SLC24A4: variants seen among roughly 807,000 people sequenced by gnomAD.
SLC24A4 encodes sodium/potassium/calcium exchanger 4.
A neutral mutation model predicts 79.0 loss-of-function variants in SLC24A4; 53 were observed. The ratio of observed to expected loss-of-function variants is 0.67; its 90% CI spans 0.54 to 0.84. SLC24A4 has a LOEUF of 0.84. SLC24A4 is among the 40% of genes least tolerant of loss of function. SLC24A4 has a pLI of 0.00. For missense variants in SLC24A4, 731 were observed against 822.0 expected (o/e 0.89, Z 1.35); for synonymous variants, 323 against 323.8 (o/e 1.00, Z 0.03).
chr14:92,366,270 C>T (rs991260088), intron 2 of SLC24A4, among the ~76,000 whole-genome samples: 6 of 152,160 alleles, frequency 3.9e-5, no homozygotes, highest in Non-Finnish European at 8.8e-5. Flanking sequence ...TTTCAGGGGG[C>T]GTGGTCCTGC....
Position 92,449,033 on chromosome 14 carries a change from C to T in SLC24A4, c.738-41C>T, listed in dbSNP as rs202008330. ...CACCCGCTGCCCAGTTGGTGGGACTCCTTTCCATTGCCCTGACCTCCTGCC... is the reference window on the plus strand; with the variant it reads ...CACCCGCTGCCCAGTTGGTGGGACTTCTTTCCATTGCCCTGACCTCCTGCC... On this transcript the variant is annotated intron_variant, in intron 9 of 16. Transcript: ENST00000532405. 15 of 1,610,354 alleles carry T rather than the reference C, an allele frequency of 9.3e-6. No homozygotes were observed. The African/African-American group carries it at 1.7e-4, about 19-fold the overall frequency.
chr14:92,391,982 G>A (rs1277441321), intron 2 of SLC24A4, among the ~76,000 whole-genome samples: 4 of 152,052 alleles, frequency 2.6e-5, no homozygotes, highest in South Asian at 2.1e-4. Context: ...CCAGCTCTAC[G>A]TTCTCCCTCC....
intron 2 of SLC24A4, among the ~76,000 whole-genome samples, chr14:92,406,800 G>T: frequency 1.8e-5 from 1 of 56,888 alleles, no homozygotes; most frequent in South Asian, 4.3e-4. Context: ...GGCTTGTGAT[G>T]GGGGGGTCTC....
chr14:92,359,842 A>G (rs1887398733), intron 2 of SLC24A4, among the ~76,000 whole-genome samples: 1 of 152,228 alleles, frequency 6.6e-6, no homozygotes, highest in African/African-American at 2.4e-5. Flanking sequence ...TAAACTAGGT[A>G]TAACCATTTT....
intron 10 of SLC24A4, 124 bp from the exon 11 acceptor site, chr14:92,453,776 G>A (rs1239851462): frequency 1.9e-6 from 2 of 1,076,598 alleles, no homozygotes; most frequent in Non-Finnish European, 2.6e-6. Context: ...AGACTTCCCG[G>A]TGGCTGCCAG....
At chr14:92,477,584 C>G (rs1177298234) in intron 12 of SLC24A4, among the ~76,000 whole-genome samples, 1 of 151,978 alleles carries the variant, frequency 6.6e-6, no homozygotes, top group Non-Finnish European at 1.5e-5. Context: ...CTCAACCTCC[C>G]AAGTAGTTGA....
chr14:92,418,633 A>G (rs1313276934), intron 2 of SLC24A4, among the ~76,000 whole-genome samples: 1 of 152,156 alleles, frequency 6.6e-6, no homozygotes, highest in Non-Finnish European at 1.5e-5. Flanking sequence ...TCTTGAGGAC[A>G]AATTTCTTCT....
chr14:92,470,627 T>C (rs11623019), intron 12 of SLC24A4, among the ~76,000 whole-genome samples: 105,550 of 151,786 alleles, frequency 0.7, 38,017 homozygotes, highest in Non-Finnish European at 0.8. Flanking sequence ...CTCTTGTTGA[T>C]GTTTGCGTGT....
intron 2 of SLC24A4, among the ~76,000 whole-genome samples, chr14:92,350,251 A>G (rs1451611759): frequency 6.6e-6 from 1 of 152,178 alleles, no homozygotes; most frequent in East Asian, 1.9e-4. Context: ...CCCCTCAGCA[A>G]CCTTGCCACC....
intron 10 of SLC24A4, 86 bp downstream of exon 10, chr14:92,449,302 A>G: frequency 7.7e-7 from 1 of 1,298,036 alleles, no homozygotes; most frequent in South Asian, 1.4e-5. Flanking sequence ...ACACACACAC[A>G]CACACACACA....
chr14:92,427,717 A>G (rs1455949199), intron 2 of SLC24A4, among the ~76,000 whole-genome samples: 2 of 152,246 alleles, frequency 1.3e-5, no homozygotes, highest in African/African-American at 2.4e-5. Context: ...AAGGAATTTA[A>G]TTCAGGGAAT....
chr14:92,361,155 C>T (rs1289320496), intron 2 of SLC24A4, among the ~76,000 whole-genome samples: 2 of 151,568 alleles, frequency 1.3e-5, no homozygotes, highest in African/African-American at 4.9e-5. Flanking sequence ...GGCTTTCCTG[C>T]AGTTGGCATC....
At chr14:92,493,262 C>T (rs72631618) in intron 16 of SLC24A4, among the ~76,000 whole-genome samples, 4 of 152,106 alleles carry the variant, frequency 2.6e-5, no homozygotes, top group African/African-American at 4.8e-5. Flanking sequence ...TGAGTCAATG[C>T]GGCTAGGACA....
chr14:92,458,064 C>G (rs550529883), intron 12 of SLC24A4, among the ~76,000 whole-genome samples: 1 of 152,290 alleles, frequency 6.6e-6, no homozygotes, highest in East Asian at 1.9e-4. Flanking sequence ...GTTAGAGATT[C>G]CAGGGCATGC....
chr14:92,348,841 G>A (rs572575905), intron 2 of SLC24A4, among the ~76,000 whole-genome samples: 2 of 152,304 alleles, frequency 1.3e-5, no homozygotes, highest in African/African-American at 4.8e-5. Flanking sequence ...CCACCAAGGG[G>A]TAGAGCCAGG....
rs965876169 is a variant in SLC24A4, at chr14:92,350,093, A to G, written c.241+24115A>G. On this transcript the variant is annotated intron_variant, in intron 2 of 16. Coordinates refer to ENST00000532405, the MANE Select transcript of SLC24A4 (RefSeq NM_153646.4). ...ACTTGTGCTCAATAACTACAGGGTT[A>G]TGAATGTGTTGAGCCCTGTTGAAGT... Among the ~76,000 whole-genome samples, 3 of 152,354 alleles carry G rather than the reference A, an allele frequency of 2.0e-5. No individual in the cohort carries two copies. The East Asian group carries it at 5.8e-4, about 29-fold the overall frequency.
chr14:92,381,275 T>C (rs1456274618), intron 2 of SLC24A4, among the ~76,000 whole-genome samples: 2 of 152,158 alleles, frequency 1.3e-5, no homozygotes, highest in Admixed American at 1.3e-4. Context: ...GTTCATGTCC[T>C]TTGCAGGGAC....
chr14:92,493,415 T>G, intron 16 of SLC24A4, 61 bp from the exon 17 acceptor site: 1 of 1,588,438 alleles, frequency 6.3e-7, no homozygotes, highest in Non-Finnish European at 8.6e-7. Flanking sequence ...CGCTTTCCAG[T>G]AGAAATGCCT....
intron 12 of SLC24A4, among the ~76,000 whole-genome samples, chr14:92,477,975 T>C (rs1307805900): frequency 6.6e-6 from 1 of 151,712 alleles, no homozygotes; most frequent in Non-Finnish European, 1.5e-5. Flanking sequence ...CCCGGCTAAT[T>C]TTTGTATTTT....
Sources: allele counts gnomAD v4.1 joint callset (sites outside exome capture counted in the v4.1 genomes callset), GRCh38; gene constraint gnomAD v4.1.1; transcripts MANE v1.5; gene names NCBI Gene and HGNC (gene_info 2026-07-23, HGNC 2026-07-21).